Variants in ADAM18 observed in about 807,000 individuals in gnomAD.
ADAM18 encodes disintegrin and metalloproteinase domain-containing protein 18.
A neutral mutation model predicts 94.4 loss-of-function variants in ADAM18; 117 were observed. That is an observed-to-expected ratio of 1.24 (90% CI 1.07 to 1.45). The LOEUF (loss-of-function observed/expected upper bound fraction) is 1.45, where lower values mean the gene tolerates loss of function less well. ADAM18 is among the 40% of genes most tolerant of loss of function. The pLI, the probability that ADAM18 is intolerant of heterozygous loss-of-function variation, is 0.00. For synonymous variants in ADAM18, 327 were observed against 291.6 expected (o/e 1.12, Z -1.24); for missense variants, 936 against 880.0 (o/e 1.06, Z -0.81).
chr8:39,677,646 C>A, intron 15 of ADAM18, 110 bp downstream of exon 15: 1 of 676,382 alleles, frequency 1.5e-6, no homozygotes, highest in Non-Finnish European at 2.3e-6. Flanking sequence ...GGAATATTTT[C>A]AAATACCAAT....
chr8:39,694,730 G>T (rs1821875404), intron 17 of ADAM18, among the ~76,000 whole-genome samples: 1 of 151,426 alleles, frequency 6.6e-6, no homozygotes, highest in Non-Finnish European at 1.5e-5. Flanking sequence ...GCCTTAGAGG[G>T]ATGCCCTATA....
chr8:39,681,930 C>T lies in ADAM18; in HGVS notation c.1821+1704C>T, dbSNP rs185312221. On this transcript the variant is annotated intron_variant, in intron 16 of 19. Transcript: ENST00000265707. ...TAAGAAATGAAAGAAATTGAAGGAA[C>T]TGTTAAATAAAACATAACCATTGAT... 7.2e-5 allele frequency among the ~76,000 whole-genome samples: 11 copies of T among 152,230 alleles called. No individual in the cohort carries two copies. The East Asian group carries it at 2.1e-3, about 29-fold the overall frequency.
rs974980607 is a variant in ADAM18, at chr8:39,609,532, T to C, written c.315T>C (p.Phe105=). The C allele has an allele frequency of 2.3e-5, 37 of 1,611,248 alleles. No homozygotes were observed. The East Asian group carries it at 8.3e-4, about 36-fold the overall frequency. ...QGYAAEFPNS[F]VTLSICSGLR... is the part of the protein sequence containing the mutation. ...ATGCTGCCGAATTTCCAAATTCATTTGTGACACTCAGTATATGTTCTGGTC... is the reference window on the plus strand; with the variant it reads ...ATGCTGCCGAATTTCCAAATTCATTCGTGACACTCAGTATATGTTCTGGTC... Residue 105 remains phenylalanine (F), a synonymous_variant, in exon 5 of 20, where the codon TTT becomes TTC. Coordinates refer to ENST00000265707, the MANE Select transcript of ADAM18 (RefSeq NM_014237.3).
chr8:39,670,241 C>T (rs574419969), intron 14 of ADAM18, among the ~76,000 whole-genome samples: 1 of 152,194 alleles, frequency 6.6e-6, no homozygotes, highest in Admixed American at 6.5e-5. Context: ...GTTCTGATTG[C>T]AACAGAATGT....
At chr8:39,699,837 A>G (rs1822016029) in intron 17 of ADAM18, among the ~76,000 whole-genome samples, 2 of 152,176 alleles carry the variant, frequency 1.3e-5, no homozygotes, top group African/African-American at 4.8e-5. Flanking sequence ...GGCAGCAATG[A>G]TGATTAGAAA....
intron 12 of ADAM18, among the ~76,000 whole-genome samples, chr8:39,656,103 G>C (rs1225987864): frequency 6.6e-6 from 1 of 151,636 alleles, no homozygotes; most frequent in East Asian, 1.9e-4. Flanking sequence ...CAGGAATTGT[G>C]TTTGCATATG....
Position 39,611,563 on chromosome 8 carries a change from G to A in ADAM18, c.522+857G>A, listed in dbSNP as rs901759494. Reference sequence around the variant, plus strand: ...GTATTTACTGGGATAAATAAAAAAAGCATTCTTCTCGGGTTTCTGGTTTCA... The same window carrying A: ...GTATTTACTGGGATAAATAAAAAAAACATTCTTCTCGGGTTTCTGGTTTCA... On this transcript the variant is annotated intron_variant, in intron 6 of 19. Transcript: ENST00000265707. The A allele has an allele frequency of 2.7e-5, 27 of 985,338 alleles. No homozygotes were observed. The African/African-American group carries it at 3.8e-4, about 14-fold the overall frequency. 61.0% of individuals were successfully genotyped at this position (985,338 alleles called of 1,614,324 possible).
At position 39,713,064 on chromosome 8, in the gene ADAM18, A is replaced by G. The variant is rs190408819; in HGVS notation, c.2017+6160A>G. On this transcript the variant is annotated intron_variant, in intron 18 of 19. Coordinates refer to ENST00000265707, the MANE Select transcript of ADAM18 (RefSeq NM_014237.3). ...ATACTACAAGGTTACAGTAACCAAA[A>G]GAGCATGGTACTGGTACCAAAACAG... Among the ~76,000 whole-genome samples, 26 of 152,342 alleles carry G rather than the reference A, an allele frequency of 1.7e-4. No homozygotes were observed. In the East Asian group the frequency reaches 4.8e-3, roughly 28 times the overall value.
chr8:39,684,347 CT>C (rs1444056477), intron 16 of ADAM18, among the ~76,000 whole-genome samples: 1 of 151,948 alleles, frequency 6.6e-6, no homozygotes, highest in African/African-American at 2.4e-5. Flanking sequence ...GGCCTACCCC[CT>C]AGGAATTGTT....
intron 18 of ADAM18, among the ~76,000 whole-genome samples, chr8:39,719,642 G>A (rs543917431): frequency 2.0e-5 from 3 of 151,408 alleles, no homozygotes; most frequent in African/African-American, 4.8e-5. Context: ...AAAAAGGGGG[G>A]CAAAATAAGC....
chr8:39,721,945 G>A (rs182868187), intron 18 of ADAM18, among the ~76,000 whole-genome samples: 4 of 150,888 alleles, frequency 2.7e-5, no homozygotes, highest in Non-Finnish European at 5.9e-5. Flanking sequence ...TCATATGTTC[G>A]TTGCAGAACT....
chr8:39,717,889 A>G (rs1822623498), intron 18 of ADAM18, among the ~76,000 whole-genome samples: 1 of 151,654 alleles, frequency 6.6e-6, no homozygotes, highest in African/African-American at 2.4e-5. Flanking sequence ...AACAAAGAAC[A>G]AAATACCTTA....
chr8:39,726,839 T>C (rs996154618), intron 19 of ADAM18, among the ~76,000 whole-genome samples: 6 of 152,156 alleles, frequency 3.9e-5, no homozygotes, highest in African/African-American at 1.2e-4. Context: ...TAACCTCCCA[T>C]AAATTTTATT....
At chr8:39,714,760 G>A (rs746723578) in intron 18 of ADAM18, among the ~76,000 whole-genome samples, 4 of 152,118 alleles carry the variant, frequency 2.6e-5, no homozygotes, top group South Asian at 4.1e-4. Flanking sequence ...ATTCCATCAA[G>A]TTCTTCAAAA....
At chr8:39,612,999 C>A (rs1271306011) in intron 6 of ADAM18, among the ~76,000 whole-genome samples, 1 of 152,080 alleles carries the variant, frequency 6.6e-6, no homozygotes, top group Non-Finnish European at 1.5e-5. Flanking sequence ...CACATGCAGA[C>A]CCCATAGAGC....
chr8:39,712,667 T>G (rs1563317464), intron 18 of ADAM18, among the ~76,000 whole-genome samples: 1 of 152,108 alleles, frequency 6.6e-6, no homozygotes, highest in Non-Finnish European at 1.5e-5. Flanking sequence ...GAGCGCCAAA[T>G]CATGAGTGAA....
chr8:39,693,468 C>A (rs1392837065), intron 17 of ADAM18, among the ~76,000 whole-genome samples: 1 of 150,770 alleles, frequency 6.6e-6, no homozygotes, highest in Non-Finnish European at 1.5e-5. Flanking sequence ...AGTTCTTCAG[C>A]CTTATTATTT....
At chr8:39,689,159 T>C (rs978951834) in intron 16 of ADAM18, among the ~76,000 whole-genome samples, 2 of 152,176 alleles carry the variant, frequency 1.3e-5, no homozygotes, top group African/African-American at 4.8e-5. Context: ...TGTAGGCTGG[T>C]CTGTTTAACT....
intron 17 of ADAM18, 152 bp downstream of exon 17, chr8:39,692,832 A>G: frequency 1.9e-6 from 1 of 517,846 alleles, no homozygotes; most frequent in East Asian, 3.2e-5. Context: ...ACTATATAAC[A>G]TATTAAGTGA....
Sources: gnomAD v4.1 joint callset for allele counts (sites outside exome capture counted in the v4.1 genomes callset) on GRCh38, gnomAD v4.1.1 for gene constraint, MANE v1.5 for transcripts, NCBI Gene and HGNC (gene_info 2026-07-23, HGNC 2026-07-21) for gene names.